ADAM32: variants seen among roughly 807,000 people sequenced by gnomAD.
The protein encoded by ADAM32 is disintegrin and metalloproteinase domain-containing protein 32.
Under a neutral mutation model 114.9 loss-of-function variants are expected in ADAM32, and 89 were observed. That is an observed-to-expected ratio of 0.77 (90% confidence interval 0.65 to 0.92). The LOEUF (loss-of-function observed/expected upper bound fraction) is 0.92. ADAM32 is among the 40% of genes least tolerant of loss of function. ADAM32 has a pLI of 0.00. For missense variants in ADAM32, 870 were observed against 932.8 expected (o/e 0.93, Z 0.88); for synonymous variants, 285 against 307.5 (o/e 0.93, Z 0.77).
chr8:39,181,897 G>C (rs550527580), intron 10 of ADAM32, among the ~76,000 whole-genome samples: 1 of 152,150 alleles, frequency 6.6e-6, no homozygotes, highest in South Asian at 2.1e-4. Context: ...GTTGACAAGG[G>C]CTAGAGTGTG....
intron 2 of ADAM32, chr8:39,130,062 C>T: frequency 4.7e-6 from 1 of 212,336 alleles, no homozygotes; most frequent in Non-Finnish European, 9.7e-6. Flanking sequence ...TCAAGTGATT[C>T]TCCTGCCTCA....
At chr8:39,109,720 A>T (rs919186292) in intron 1 of ADAM32, among the ~76,000 whole-genome samples, 2 of 152,192 alleles carry the variant, frequency 1.3e-5, no homozygotes, top group African/African-American at 4.8e-5. Context: ...AATTGAGCCT[A>T]CACTGACACA....
chr8:39,119,049 T>C (rs1483102192), intron 2 of ADAM32, among the ~76,000 whole-genome samples: 2 of 152,206 alleles, frequency 1.3e-5, no homozygotes, highest in South Asian at 4.1e-4. Flanking sequence ...GGATTATCCA[T>C]TTTGTAGCAT....
chr8:39,254,225 C>CTTTTTTTTTTT (rs59048344), intron 17 of ADAM32, among the ~76,000 whole-genome samples, 189 bp from the exon 18 acceptor site: 1 of 125,334 alleles, frequency 8.0e-6, no homozygotes, highest in Non-Finnish European at 1.7e-5. Flanking sequence ...CTTTATAGTT[C>CTTTTTTTTTTT]TTTTTTTTTT....
intron 15 of ADAM32, among the ~76,000 whole-genome samples, chr8:39,232,834 A>G (rs1245694661): frequency 6.6e-6 from 1 of 152,178 alleles, no homozygotes; most frequent in Non-Finnish European, 1.5e-5. Flanking sequence ...AGCTTTTAAG[A>G]GAATCTTAAA....
intron 3 of ADAM32, among the ~76,000 whole-genome samples, chr8:39,141,165 A>C (rs1459433398): frequency 6.6e-6 from 1 of 152,094 alleles, no homozygotes; most frequent in Non-Finnish European, 1.5e-5. Context: ...TAATTTTTTG[A>C]AGGGATTTTG....
rs1276917871 is a variant in ADAM32, at chr8:39,267,517, T to A, written c.2163-3359T>A. Among the ~76,000 whole-genome samples, 8 of 152,286 alleles carry A rather than the reference T, an allele frequency of 5.3e-5. No homozygotes were observed. The East Asian group carries it at 1.5e-3, about 29-fold the overall frequency. On this transcript the variant is annotated intron_variant, in intron 19 of 24. Coordinates refer to ENST00000379907, the MANE Select transcript of ADAM32 (RefSeq NM_145004.7). ...ATGAATATTTGGGTTATTTCCAGTT[T>A]ATAGGTGTTATAAATGAAGCTGTTG...
At chr8:39,111,754 AAG>A (rs1289245277) in intron 1 of ADAM32, among the ~76,000 whole-genome samples, 1 of 151,742 alleles carries the variant, frequency 6.6e-6, no homozygotes, top group African/African-American at 2.4e-5. Context: ...GAAAAAAAAA[AAG>A]AACAAGTTGG....
At chr8:39,215,193 T>C (rs949300905) in intron 12 of ADAM32, among the ~76,000 whole-genome samples, 1 of 151,992 alleles carries the variant, frequency 6.6e-6, no homozygotes, top group Non-Finnish European at 1.5e-5. Flanking sequence ...TTTTAGGATT[T>C]TTTTTTCTAT....
intron 17 of ADAM32, among the ~76,000 whole-genome samples, chr8:39,251,522 G>T (rs1299123371): frequency 6.6e-6 from 1 of 151,772 alleles, no homozygotes; most frequent in Non-Finnish European, 1.5e-5. Flanking sequence ...TTTGAGAAAT[G>T]TCTATTCAGA....
At chr8:39,235,898 A>G (rs377076293) in intron 16 of ADAM32, among the ~76,000 whole-genome samples, 15 of 152,216 alleles carry the variant, frequency 9.9e-5, no homozygotes, top group African/African-American at 3.4e-4. Context: ...ATTTATCTGA[A>G]GAAGGTTATG....
chr8:39,181,363 C>T (rs1242181065), intron 10 of ADAM32, among the ~76,000 whole-genome samples: 3 of 152,202 alleles, frequency 2.0e-5, no homozygotes, highest in African/African-American at 7.2e-5. Context: ...CAGCTTCACT[C>T]CTGAGCCAGC....
intron 10 of ADAM32, among the ~76,000 whole-genome samples, chr8:39,175,609 G>A (rs1342528812): frequency 6.6e-6 from 1 of 152,180 alleles, no homozygotes; most frequent in Non-Finnish European, 1.5e-5. Flanking sequence ...TTGCATCGAT[G>A]TTCATCAGAG....
chr8:39,178,284 T>A (rs750958255), intron 10 of ADAM32, among the ~76,000 whole-genome samples: 2 of 152,216 alleles, frequency 1.3e-5, no homozygotes, highest in Non-Finnish European at 2.9e-5. Context: ...CTCTGATATT[T>A]TTTCCTCCTC....
At chr8:39,124,054 T>G (rs1204618756) in intron 2 of ADAM32, among the ~76,000 whole-genome samples, 1 of 151,744 alleles carries the variant, frequency 6.6e-6, no homozygotes, top group Non-Finnish European at 1.5e-5. Context: ...CAGGGGTGCA[T>G]GTACAGGTTG....
At chr8:39,113,361 T>A (rs879530073) in intron 1 of ADAM32, among the ~76,000 whole-genome samples, 2 of 150,344 alleles carry the variant, frequency 1.3e-5, no homozygotes, top group Non-Finnish European at 2.9e-5. Context: ...GTGCCATCTA[T>A]ATCTTGAACT....
chr8:39,154,425 T>C (rs940448382), intron 6 of ADAM32, among the ~76,000 whole-genome samples: 4 of 152,206 alleles, frequency 2.6e-5, no homozygotes, highest in African/African-American at 9.6e-5. Flanking sequence ...ACATTTTCTT[T>C]ATCCAGTCTA....
chr8:39,145,322 C>T (rs1241853356), intron 3 of ADAM32, among the ~76,000 whole-genome samples: 2 of 152,156 alleles, frequency 1.3e-5, no homozygotes, highest in Non-Finnish European at 2.9e-5. Flanking sequence ...CCAAAAGGCC[C>T]TGAATAGCCA....
chr8:39,132,145 G>A (rs866467841), intron 2 of ADAM32: 155 of 160,516 alleles, frequency 9.7e-4, no homozygotes, highest in African/African-American at 3.6e-3. Flanking sequence ...CGCCCACCTT[G>A]GCCTCCCAAA....
Sources: allele counts gnomAD v4.1 joint callset (sites outside exome capture counted in the v4.1 genomes callset), GRCh38; gene constraint gnomAD v4.1.1; transcripts MANE v1.5; gene names NCBI Gene and HGNC (gene_info 2026-07-23, HGNC 2026-07-21).